MSR1: variants seen among roughly 807,000 people sequenced by gnomAD.
The protein encoded by MSR1 is macrophage scavenger receptor types I and II.
Under a neutral mutation model 47.2 loss-of-function variants are expected in MSR1, and 53 were observed. The observed-to-expected ratio is 1.12, with a 90% confidence interval of 0.90 to 1.41. The LOEUF (loss-of-function observed/expected upper bound fraction) is 1.41. MSR1 is among the 40% of genes most tolerant of loss of function. The pLI, the probability that MSR1 is intolerant of heterozygous loss-of-function variation, is 0.00. For synonymous variants in MSR1, 239 were observed against 185.6 expected (o/e 1.29, Z -2.34); for missense variants, 786 against 546.9 (o/e 1.44, Z -4.36).
chr8:16,134,832 A>G (rs781394075), intron 8 of MSR1, among the ~76,000 whole-genome samples: 10 of 152,188 alleles, frequency 6.6e-5, no homozygotes, highest in Non-Finnish European at 1.5e-4. Flanking sequence ...AAACCACCTT[A>G]TTGCCGATAT....
rs375958405 is a variant in MSR1, at chr8:16,115,014, C to T, written c.1223-4796G>A. Among the ~76,000 whole-genome samples, 8 of 151,718 alleles carry T rather than the reference C, an allele frequency of 5.3e-5. No individual in the cohort carries two copies. In the East Asian group the frequency reaches 5.8e-4, roughly 11 times the overall value. ...CCACCATGGAGAAACCCCGTCTCTA[C>T]TAAATATACAAAAAATTAGTTGGGT... is the stretch of plus-strand genomic sequence containing the variant. On this transcript the variant is annotated intron_variant, in intron 9 of 9. Transcript: ENST00000262101.
At chr8:16,131,371 T>C (rs1445536233) in intron 8 of MSR1, among the ~76,000 whole-genome samples, 2 of 152,106 alleles carry the variant, frequency 1.3e-5, no homozygotes, top group Non-Finnish European at 2.9e-5. Flanking sequence ...ATTCTGGATA[T>C]TAGACATTTT....
intron 3 of MSR1, among the ~76,000 whole-genome samples, chr8:16,171,228 C>CAAAAAAAAAAAAAAAAAAAAAAAAA (rs34662759): frequency 1.3e-5 from 1 of 75,434 alleles, no homozygotes; most frequent in Non-Finnish European, 2.7e-5. Context: ...GACTCAGTCT[C>CAAAAAAAAAAAAAAAAAAAAAAAAA]AAAAAAAAAA....
chr8:16,120,360 G>C lies in MSR1; in HGVS notation c.1222+58C>G, dbSNP rs35619534. ...CCACTGCACTCCAGTCTGGGCGACA[G>C]AATGAGACTCTGTCTGAAACAACAA... On this transcript the variant is annotated intron_variant, in intron 9 of 9. Coordinates refer to ENST00000262101, the MANE Select transcript of MSR1 (RefSeq NM_138715.3). The C allele has an allele frequency of 9.5e-4, 1,503 of 1,585,538 alleles. 15 individuals carry two copies. The African/African-American group carries it at 0.017, about 18-fold the overall frequency.
intron 2 of MSR1, 78 bp downstream of exon 2, chr8:16,177,808 G>C: frequency 2.7e-6 from 3 of 1,122,064 alleles, no homozygotes; most frequent in Admixed American, 1.8e-5. Flanking sequence ...TTTAAGGTAA[G>C]TCTCAAGACT....
At chr8:16,169,355 ATTG>A (rs1801416107) in intron 3 of MSR1, among the ~76,000 whole-genome samples, 3 of 152,132 alleles carry the variant, frequency 2.0e-5, no homozygotes, top group South Asian at 2.1e-4. Context: ...ATATGGATAA[ATTG>A]TTGGTTTATC....
At position 16,143,562 on chromosome 8, in the gene MSR1, T is replaced by A. The variant is rs758036016; in HGVS notation, c.1029A>T (p.Thr343=). 1.2e-6 allele frequency: 2 copies of A among 1,611,646 alleles called. No homozygotes were observed. The highest frequency in any genetic ancestry group is 1.7e-6 in the Non-Finnish European group (2 of 1,178,132). ...GQKGEKGSGN[T]LTPFTKVRLV... ...AACAAAATACTATATACTTACTTAATGTGTTTCCACTCCCCTTTTCCCCTT... is the reference window on the plus strand; with the variant it reads ...AACAAAATACTATATACTTACTTAAAGTGTTTCCACTCCCCTTTTCCCCTT... The change falls in exon 8 of 10, where the codon ACA becomes ACT. Residue 343 remains threonine (T), a synonymous_variant. Coordinates refer to ENST00000262101, the MANE Select transcript of MSR1 (RefSeq NM_138715.3).
chr8:16,186,171 A>C, intron 1 of MSR1: 1 of 1,535,132 alleles, frequency 6.5e-7, no homozygotes, highest in Non-Finnish European at 8.7e-7. Flanking sequence ...TTTTTTGTTG[A>C]GAAGAGAGAT....
chr8:16,173,485 C>A (rs1801547778), intron 3 of MSR1, among the ~76,000 whole-genome samples: 1 of 152,104 alleles, frequency 6.6e-6, no homozygotes, highest in Admixed American at 6.6e-5. Flanking sequence ...CCTTGATTTA[C>A]CAGGAAATTG....
At chr8:16,177,539 C>T (rs902755776) in intron 2 of MSR1, among the ~76,000 whole-genome samples, 1 of 151,800 alleles carries the variant, frequency 6.6e-6, no homozygotes, top group African/African-American at 2.4e-5. Flanking sequence ...CTGTTTTAAG[C>T]CTCCCATTTG....
At chr8:16,173,416 C>A (rs2117196600) in intron 3 of MSR1, among the ~76,000 whole-genome samples, 2 of 152,282 alleles carry the variant, frequency 1.3e-5, no homozygotes, top group Admixed American at 1.3e-4. Context: ...AATGAAGCAT[C>A]ATTTAGTTAT....
intron 5 of MSR1, among the ~76,000 whole-genome samples, chr8:16,159,549 A>G (rs1459581643): frequency 6.6e-6 from 1 of 151,998 alleles, no homozygotes; most frequent in Admixed American, 6.6e-5. Context: ...TAACTCTGCA[A>G]TCAACACATG....
Position 16,168,787 on chromosome 8 carries a change from C to T in MSR1, c.301G>A (p.Gly101Arg). ...CTCATTTCCTCTTCGCTGTCATTTC[C>T]TTTTCCCGTGAGACTTTGAGTTATA... ...NDITQSLTGK[G>R]NDSEEEMRFQ... Residue 101 changes from glycine (G) to arginine (R), a missense_variant, in exon 4 of 10, where the codon GGA (glycine) becomes AGA (arginine). Physicochemically the swap from Gly to Arg is moderately radical, Grantham distance 125. Coordinates refer to ENST00000262101, the MANE Select transcript of MSR1 (RefSeq NM_138715.3). 1.2e-6 allele frequency: 2 copies of T among 1,614,066 alleles called. No homozygotes were observed. The highest frequency in any genetic ancestry group is 1.7e-6 in the Non-Finnish European group (2 of 1,180,008).
At chr8:16,180,797 T>C (rs571020030) in intron 1 of MSR1, among the ~76,000 whole-genome samples, 1 of 152,266 alleles carries the variant, frequency 6.6e-6, no homozygotes, top group South Asian at 2.1e-4. Flanking sequence ...TATTTGGAAG[T>C]TTGCAGTGAC....
chr8:16,143,998 T>C (rs1170818224), intron 7 of MSR1, among the ~76,000 whole-genome samples: 1 of 152,020 alleles, frequency 6.6e-6, no homozygotes, highest in East Asian at 1.9e-4. Flanking sequence ...TCACATTACA[T>C]TTATGGTTTT....
intron 8 of MSR1, among the ~76,000 whole-genome samples, chr8:16,127,775 G>T (rs1457329355): frequency 6.6e-6 from 1 of 152,142 alleles, no homozygotes; most frequent in Non-Finnish European, 1.5e-5. Context: ...TGTGGGAATT[G>T]TAATTCTTAA....
chr8:16,189,019 T>A (rs1054305268), intron 1 of MSR1, among the ~76,000 whole-genome samples: 11 of 146,396 alleles, frequency 7.5e-5, no homozygotes, highest in African/African-American at 2.7e-4. Flanking sequence ...TATATATGTG[T>A]TGAATTATTA....
intron 8 of MSR1, among the ~76,000 whole-genome samples, chr8:16,142,617 A>G (rs1042501599): frequency 1.3e-5 from 2 of 152,180 alleles, no homozygotes; most frequent in Admixed American, 1.3e-4. Context: ...ATATTAGGTT[A>G]AAATAATTAG....
intron 8 of MSR1, among the ~76,000 whole-genome samples, chr8:16,125,972 T>C (rs759123256): frequency 5.9e-5 from 9 of 152,126 alleles, no homozygotes; most frequent in Non-Finnish European, 8.8e-5. Context: ...GTAATCAAGA[T>C]GGTAAATGTG....
Sources: gnomAD v4.1 joint callset for allele counts (sites outside exome capture counted in the v4.1 genomes callset) on GRCh38, gnomAD v4.1.1 for gene constraint, MANE v1.5 for transcripts, NCBI Gene and HGNC (gene_info 2026-07-23, HGNC 2026-07-21) for gene names.